The following RAD51B variants were observed in gnomAD, a reference collection of about 807,000 sequenced individuals.
RAD51B encodes the protein DNA repair protein RAD51 homolog 2.
A neutral mutation model predicts 42.2 loss-of-function variants in RAD51B; 38 were observed. The observed-to-expected ratio is 0.90, with a 90% CI of 0.70 to 1.18. The LOEUF (loss-of-function observed/expected upper bound fraction) is 1.18. RAD51B is among the 50% of genes most tolerant of loss of function. The pLI, the probability that RAD51B is intolerant of heterozygous loss-of-function variation, is 0.00. For missense variants in RAD51B, 373 were observed against 400.7 expected (o/e 0.93, Z 0.59); for synonymous variants, 154 against 145.2 (o/e 1.06, Z -0.43).
intron 11 of RAD51B, among the ~76,000 whole-genome samples, chr14:68,661,899 A>C (rs1892941178): frequency 6.6e-6 from 1 of 152,118 alleles, no homozygotes; most frequent in Non-Finnish European, 1.5e-5. Flanking sequence ...CTCCACCAAC[A>C]AGGCTCTTCA....
At chr14:68,285,767 T>C (rs932593560) in intron 7 of RAD51B, among the ~76,000 whole-genome samples, 6 of 152,170 alleles carry the variant, frequency 3.9e-5, no homozygotes, top group African/African-American at 2.4e-5. Context: ...TAGCCCAGCC[T>C]ACCCCTTCAA....
chr14:68,550,644 A>T (rs372220295), intron 10 of RAD51B, among the ~76,000 whole-genome samples: 7 of 152,326 alleles, frequency 4.6e-5, no homozygotes, highest in African/African-American at 1.7e-4. Context: ...TTCCCCTGCA[A>T]ATGTTGTTTC....
At position 68,428,735 on chromosome 14, in the gene RAD51B, A is replaced by AATTAT. The variant is rs1214520622; in HGVS notation, c.957+17208_957+17209insATTAT. On this transcript the variant is annotated intron_variant, in intron 9 of 10. Coordinates refer to ENST00000471583, the MANE Select transcript of RAD51B (RefSeq NM_133510.4). ...TATATATATATATATATATATATAT[A>AATTAT]TATATATATATATATATATATATAT... 5.8e-4 allele frequency among the ~76,000 whole-genome samples: 19 copies of AATTAT among 33,024 alleles called. No individual in the cohort carries two copies. In the East Asian group the frequency reaches 0.056, roughly 97 times the overall value. 21.7% of individuals were successfully genotyped at this position (33,024 alleles called of 152,430 possible).
At chr14:68,411,673 C>T (rs2084425342) in intron 9 of RAD51B, 146 bp downstream of exon 9, 2 of 675,628 alleles carry the variant, frequency 3.0e-6, no homozygotes, top group Non-Finnish European at 5.1e-6. Flanking sequence ...AGCATTTCTG[C>T]TTGTCCCAAC....
intron 7 of RAD51B, among the ~76,000 whole-genome samples, chr14:67,982,010 C>T (rs948687892): frequency 3.3e-5 from 5 of 152,172 alleles, no homozygotes; most frequent in African/African-American, 4.8e-5. Context: ...AGTCTAGGCT[C>T]ACTGCAGCCT....
chr14:68,607,937 T>A (rs1891518163), intron 10 of RAD51B, among the ~76,000 whole-genome samples: 2 of 152,164 alleles, frequency 1.3e-5, no homozygotes, highest in South Asian at 4.1e-4. Flanking sequence ...GGCAAAGAAA[T>A]CCCAGACCTC....
intron 10 of RAD51B, among the ~76,000 whole-genome samples, chr14:68,536,532 C>T (rs1887629372): frequency 6.6e-6 from 1 of 152,188 alleles, no homozygotes; most frequent in Non-Finnish European, 1.5e-5. Context: ...ATGATTACCT[C>T]TATCAAACTC....
chr14:68,541,341 C>T (rs1228417874), intron 10 of RAD51B: 3 of 985,322 alleles, frequency 3.0e-6, no homozygotes. Flanking sequence ...AATAGCCTAC[C>T]TGGCCCCTTT....
chr14:68,348,620 C>T (rs2082720381), intron 8 of RAD51B, among the ~76,000 whole-genome samples: 1 of 152,192 alleles, frequency 6.6e-6, no homozygotes, highest in Non-Finnish European at 1.5e-5. Flanking sequence ...CTTTGTCTCG[C>T]CTGGCGCGGT....
chr14:68,509,127 C>G (rs540895616), intron 10 of RAD51B, among the ~76,000 whole-genome samples: 8 of 152,362 alleles, frequency 5.3e-5, no homozygotes, highest in South Asian at 2.1e-4. Context: ...AGCCACTGGG[C>G]CTGGATAAAG....
intron 8 of RAD51B, among the ~76,000 whole-genome samples, chr14:68,403,861 A>G (rs1305539678): frequency 1.3e-5 from 2 of 152,234 alleles, no homozygotes; most frequent in African/African-American, 4.8e-5. Flanking sequence ...GTGTTTGATC[A>G]TCATTGTTCC....
intron 5 of RAD51B, 92 bp from the exon 6 acceptor site, chr14:67,885,777 G>T: frequency 6.7e-7 from 1 of 1,485,314 alleles, no homozygotes; most frequent in South Asian, 1.4e-5. Context: ...ATAAGGCTTA[G>T]GAGTTTCTCA....
chr14:67,834,143 G>A (rs1418638765), intron 3 of RAD51B, among the ~76,000 whole-genome samples: 2 of 152,104 alleles, frequency 1.3e-5, no homozygotes, highest in Non-Finnish European at 2.9e-5. Context: ...TTCAGCTTTT[G>A]GTGGCCATTA....
At chr14:68,618,756 C>T (rs1891878501) in intron 10 of RAD51B, among the ~76,000 whole-genome samples, 1 of 152,136 alleles carries the variant, frequency 6.6e-6, no homozygotes, top group South Asian at 2.1e-4. Flanking sequence ...ACAACTTGAG[C>T]CTAGCCCTGA....
chr14:68,537,391 C>T (rs1224772109), intron 10 of RAD51B, among the ~76,000 whole-genome samples: 3 of 151,198 alleles, frequency 2.0e-5, no homozygotes, highest in Admixed American at 6.6e-5. Flanking sequence ...CCCAGCTACT[C>T]GGGAGGCTGA....
At chr14:68,370,488 A>T (rs889565763) in intron 8 of RAD51B, among the ~76,000 whole-genome samples, 1 of 152,204 alleles carries the variant, frequency 6.6e-6, no homozygotes, top group African/African-American at 2.4e-5. Context: ...GCATAATGCA[A>T]AGTTTTCAGC....
At chr14:67,930,691 A>G (rs1347189455) in intron 7 of RAD51B, among the ~76,000 whole-genome samples, 1 of 152,126 alleles carries the variant, frequency 6.6e-6, no homozygotes, top group Non-Finnish European at 1.5e-5. Flanking sequence ...GCATTGGATC[A>G]CTGGTCTTCC....
Position 67,885,913 on chromosome 14 carries a change from C to G in RAD51B, c.497C>G (p.Thr166Ser). 1 of 1,607,292 alleles carries G rather than the reference C, an allele frequency of 6.2e-7. No individual in the cohort carries two copies. Among genetic ancestry groups the G allele is most frequent in the Non-Finnish European group, 8.5e-7 (1 of 1,175,246 alleles). The change falls in exon 6 of 11, where the codon ACT becomes AGT. Residue 166 changes from threonine to serine, a missense_variant. Transcript: ENST00000471583. ...AESRFPRYFN[T>S]EEKLLLTSSK... ...TCCCGTTTTCCCAGATATTTTAACA[C>G]TGAAGAAAAGTTACTTTTGACAAGT...
At chr14:68,588,436 A>G (rs910261213) in intron 10 of RAD51B, among the ~76,000 whole-genome samples, 5 of 152,172 alleles carry the variant, frequency 3.3e-5, no homozygotes, top group African/African-American at 1.2e-4. Flanking sequence ...TAGTCCCCTG[A>G]CCATGAATTT....
Sources: allele counts gnomAD v4.1 joint callset (sites outside exome capture counted in the v4.1 genomes callset), GRCh38; gene constraint gnomAD v4.1.1; transcripts MANE v1.5; gene names NCBI Gene and HGNC (gene_info 2026-07-23, HGNC 2026-07-21).